NOC3L: variants seen among roughly 807,000 people sequenced by gnomAD.
NOC3L encodes the protein nucleolar complex protein 3 homolog.
In NOC3L, 85 loss-of-function variants were observed where a neutral mutation model predicts 102.5. That is an observed-to-expected ratio of 0.83 (90% confidence interval 0.70 to 0.99). The LOEUF (loss-of-function observed/expected upper bound fraction) is 0.99. NOC3L is among the 50% of genes least tolerant of loss of function. The pLI is 0.00. For synonymous variants in NOC3L, 303 were observed against 309.4 expected (o/e 0.98, Z 0.22); for missense variants, 878 against 914.9 (o/e 0.96, Z 0.52).
chr10:94,342,016 T>G (rs1383688144), intron 13 of NOC3L, among the ~76,000 whole-genome samples: 1 of 152,182 alleles, frequency 6.6e-6, no homozygotes, highest in Non-Finnish European at 1.5e-5. Flanking sequence ...AAGAAATTAC[T>G]AGAAGCAAAC....
the NOC3L span, chr10:94,325,020 CAAGG>C: frequency 3.7e-6 from 6 of 1,614,160 alleles, no homozygotes; most frequent in Non-Finnish European, 5.1e-6. Context: ...GTATCCAAAC[CAAGG>C]AGGAGAAACC....
At chr10:94,340,037 A>C (rs977566769) in intron 16 of NOC3L, 117 bp from the exon 17 acceptor site, 3 of 895,492 alleles carry the variant, frequency 3.4e-6, no homozygotes, top group Middle Eastern at 2.4e-4. Flanking sequence ...CCATTTCTCT[A>C]ATCAATGAGG....
At position 94,362,850 on chromosome 10, in the gene NOC3L, A is replaced by T; in HGVS notation, c.-12T>A. ...CTTACCGCCTTCATCCTTAGGCCTT[A>T]AATGAATGCCGGCCAGACAAGTTCA... On this transcript the variant is annotated 5_prime_UTR_variant, in exon 1 of 21. Transcript: ENST00000371361. The T allele has an allele frequency of 6.2e-7, 1 of 1,614,038 alleles. No homozygotes were observed. The highest frequency in any genetic ancestry group is 8.5e-7 in the Non-Finnish European group (1 of 1,180,042).
At chr10:94,324,741 T>C in the NOC3L span, 6 of 952,574 alleles carry the variant, frequency 6.3e-6, no homozygotes, top group Non-Finnish European at 9.9e-6. Context: ...GTGGCCGAGC[T>C]TGCGGTTAAG....
chr10:94,342,759 C>T (rs935835358), intron 13 of NOC3L, among the ~76,000 whole-genome samples: 67 of 147,916 alleles, frequency 4.5e-4, no homozygotes, highest in African/African-American at 1.7e-3. Flanking sequence ...AGTTACAGGA[C>T]ACTAAACATA....
intron 2 of NOC3L, among the ~76,000 whole-genome samples, chr10:94,359,258 C>G: frequency 6.6e-6 from 1 of 152,114 alleles, no homozygotes; most frequent in Non-Finnish European, 1.5e-5. Context: ...AACCCCATCT[C>G]TACGAAAAAT....
At chr10:94,324,673 C>A in the NOC3L span, 1 of 1,064,538 alleles carries the variant, frequency 9.4e-7, no homozygotes, top group Non-Finnish European at 1.4e-6. Flanking sequence ...GTTCCTGAGT[C>A]AAGGAATGGA....
At position 94,361,715 on chromosome 10, in the gene NOC3L, G is replaced by C. The variant is rs747236183; in HGVS notation, c.167C>G (p.Ala56Gly). 12 of 1,606,444 alleles carry C rather than the reference G, an allele frequency of 7.5e-6. No individual in the cohort carries two copies. The South Asian group carries it at 1.3e-4, about 18-fold the overall frequency. Residue 56 changes from alanine (A) to glycine (G), a missense_variant, in exon 2 of 21, where the codon GCT becomes GGT. Transcript: ENST00000371361. Reference sequence around the variant, plus strand: ...CAATGGAATGGGTTTCTTAGACACAGCATCTTTCACAGCTTGCCTTAGTTT... The same window carrying C: ...CAATGGAATGGGTTTCTTAGACACACCATCTTTCACAGCTTGCCTTAGTTT... ...QRKLRQAVKD[A>G]VSKKPIPLEN...
chr10:94,324,623 A>C, the NOC3L span: 1 of 1,349,146 alleles, frequency 7.4e-7, no homozygotes, highest in Non-Finnish European at 1.1e-6. Flanking sequence ...CCATAATTAC[A>C]CTGTAGCCAG....
chr10:94,340,238 A>G, intron 16 of NOC3L, 38 bp downstream of exon 16: 1 of 1,501,034 alleles, frequency 6.7e-7, no homozygotes. Flanking sequence ...CTTAAAACAT[A>G]AATACATATA....
the NOC3L span, chr10:94,322,028 G>C: frequency 1.2e-6 from 2 of 1,614,090 alleles, no homozygotes; most frequent in East Asian, 2.2e-5. Context: ...AAAGCACCCC[G>C]CGTCAGCACT....
chr10:94,322,486 A>T, the NOC3L span, among the ~76,000 whole-genome samples: 1 of 152,092 alleles, frequency 6.6e-6, no homozygotes, highest in Non-Finnish European at 1.5e-5. Flanking sequence ...CCCTGTCTTT[A>T]CAAAAAGTAC....
At position 94,340,999 on chromosome 10, in the gene NOC3L, A is replaced by AC. The variant is rs565076615; in HGVS notation, c.1645-504_1645-503insG. On this transcript the variant is annotated intron_variant, in intron 14 of 20. Coordinates refer to ENST00000371361, the MANE Select transcript of NOC3L (RefSeq NM_022451.11). Reference sequence around the variant, plus strand: ...CCCTCTCAAAAAAAAAAAAAAAAAAAATTTCTACAAAAAAATAGAAAAATT... The same window carrying AC: ...CCCTCTCAAAAAAAAAAAAAAAAAAACATTTCTACAAAAAAATAGAAAAATT... Among the ~76,000 whole-genome samples, 593 of 147,608 alleles carry AC rather than the reference A, an allele frequency of 4.0e-3. 6 individuals carry two copies. Among genetic ancestry groups the AC allele is most frequent in the Non-Finnish European group, 5.8e-3 (390 of 67,116 alleles).
rs2054268535 is a variant in NOC3L, at chr10:94,340,415, A to G, written c.1708+18T>C. ...TCAAAGGTAAGGCAAACAAAACTTGATTAAGAAAATATCATACCTTGTCCA... is the reference window on the plus strand; with the variant it reads ...TCAAAGGTAAGGCAAACAAAACTTGGTTAAGAAAATATCATACCTTGTCCA... On this transcript the variant is annotated intron_variant, in intron 15 of 20. Coordinates refer to ENST00000371361, the MANE Select transcript of NOC3L (RefSeq NM_022451.11). The G allele has an allele frequency of 6.3e-7, 1 of 1,594,472 alleles. No individual in the cohort carries two copies. The highest frequency in any genetic ancestry group is 8.6e-7 in the Non-Finnish European group (1 of 1,167,964).
the NOC3L span, among the ~76,000 whole-genome samples, chr10:94,323,121 G>C: frequency 6.6e-6 from 1 of 152,128 alleles, no homozygotes; most frequent in African/African-American, 2.4e-5. Context: ...AAATACCTAA[G>C]CCAGTAGGTA....
In NOC3L at chr10:94,355,063, G is replaced by T; in HGVS notation, c.596C>A (p.Thr199Asn). The part of the protein sequence containing the change: ...EIIEDPIQEL[T>N]IEEHLIERKK... ...TCTCTCAATCAAATGTTCTTCTATGGTCAGCTCTTGAATAGGATCTTCAAT... is the reference window on the plus strand; with the variant it reads ...TCTCTCAATCAAATGTTCTTCTATGTTCAGCTCTTGAATAGGATCTTCAAT... Residue 199 changes from threonine (T) to asparagine (N), a missense_variant, in exon 6 of 21, where the codon ACC becomes AAC. Physicochemically the swap from Thr to Asn is moderately conservative, Grantham distance 65. Transcript: ENST00000371361. 6.2e-7 allele frequency: 1 copy of T among 1,612,176 alleles called. No individual in the cohort carries two copies. Among genetic ancestry groups the T allele is most frequent in the Non-Finnish European group, 8.5e-7 (1 of 1,179,070 alleles).
At chr10:94,352,190 C>T (rs1046024152) in intron 8 of NOC3L, 120 bp downstream of exon 8, 30 of 587,868 alleles carry the variant, frequency 5.1e-5, no homozygotes, top group Non-Finnish European at 2.9e-6. Flanking sequence ...GGAAGTCTGA[C>T]TCTAGATTCT....
chr10:94,334,242 A>C lies in NOC3L; in HGVS notation c.2338T>G (p.Ser780Ala). 2 of 1,611,692 alleles carry C rather than the reference A, an allele frequency of 1.2e-6. No individual in the cohort carries two copies. Among genetic ancestry groups the C allele is most frequent in the South Asian group, 2.2e-5 (2 of 90,840 alleles). The stretch of plus-strand genomic sequence containing the variant: ...GGCGATTCAGTAGCAACTTCACTGG[A>C]GTATCTTTTGATTAGCTGATTTAAA... ...EDLNQLIKRYSSEVATESPLD... is the reference protein window; with the variant it reads ...EDLNQLIKRYASEVATESPLD... The change falls in exon 21 of 21, where the codon TCC becomes GCC. Residue 780 changes from serine to alanine, a missense_variant. Ser to Ala is a moderately conservative substitution (Grantham distance 99). Transcript: ENST00000371361.
chr10:94,342,248 T>A (rs529103621), intron 13 of NOC3L, among the ~76,000 whole-genome samples: 2 of 152,284 alleles, frequency 1.3e-5, no homozygotes, highest in African/African-American at 4.8e-5. Flanking sequence ...GTCCTGGGCC[T>A]CTATTTGTAG....
Sources: gnomAD v4.1 joint callset for allele counts (sites outside exome capture counted in the v4.1 genomes callset) on GRCh38, gnomAD v4.1.1 for gene constraint, MANE v1.5 for transcripts, NCBI Gene and HGNC (gene_info 2026-07-23, HGNC 2026-07-21) for gene names.